Variants in FGFR3 observed in about 807,000 individuals in gnomAD.
FGFR3 encodes FGFR-3.
FGFR3 carries 25 observed loss-of-function variants against 82.9 expected under a neutral mutation model. That is an observed-to-expected ratio of 0.30 (90% CI 0.22 to 0.42). The LOEUF (loss-of-function observed/expected upper bound fraction) is 0.42. Among genes scored for constraint, FGFR3 ranks in the 10% least tolerant of loss-of-function variants. FGFR3 has a pLI of 1.00. For synonymous variants in FGFR3, 620 were observed against 516.0 expected (o/e 1.20, Z -2.73); for missense variants, 1,026 against 1,161.0 (o/e 0.88, Z 1.69).
intron 2 of FGFR3, among the ~76,000 whole-genome samples, chr4:1,795,363 C>T (rs1720367483): frequency 1.3e-5 from 2 of 151,862 alleles, no homozygotes; most frequent in African/African-American, 4.8e-5. Flanking sequence ...GCTGCGGAGC[C>T]TCTCCTGGAC....
In FGFR3 at chr4:1,801,692, G is replaced by A. The variant is rs1577275171; in HGVS notation, c.688G>A (p.Val230Met). The A allele has an allele frequency of 6.2e-7, 1 of 1,611,016 alleles. No homozygotes were observed. The highest frequency in any genetic ancestry group is 8.5e-7 in the Non-Finnish European group (1 of 1,179,262). The change falls in exon 6 of 18, where the codon GTG becomes ATG. Residue 230 changes from valine to methionine, a missense_variant. Around this residue, in one of 9 missense-constraint regions of FGFR3, gnomAD observed 147 missense variants for 228.1 expected, o/e 0.64. Transcript: ENST00000440486. ...PSDRGNYTCV[V>M]ENKFGSIRQT... ...GGACCGCGGCAACTACACCTGCGTC[G>A]TGGAGAACAAGTTTGGCAGCATCCG...
chr4:1,794,066 C>T, intron 2 of FGFR3, 23 bp downstream of exon 2: 2 of 1,303,102 alleles, frequency 1.5e-6, no homozygotes, highest in Non-Finnish European at 2.0e-6. Flanking sequence ...CCACTAGGCA[C>T]GGGAGAGGCC....
At position 1,798,512 on chromosome 4, in the gene FGFR3, C is replaced by T. The variant is rs533593716; in HGVS notation, c.110-742C>T. Among the ~76,000 whole-genome samples the T allele has an allele frequency of 4.0e-4, 60 of 151,554 alleles. No individual in the cohort carries two copies. The South Asian group carries it at 0.012, about 31-fold the overall frequency. ...TCCATAGGAGCTGCAGGATACAGAA[C>T]CTTGCCCACCCCAAGGAGCCCCCAC... On this transcript the variant is annotated intron_variant, in intron 2 of 17. Transcript: ENST00000440486.
chr4:1,794,649 C>T (rs1411868647), intron 2 of FGFR3, among the ~76,000 whole-genome samples: 2 of 152,172 alleles, frequency 1.3e-5, no homozygotes, highest in Non-Finnish European at 2.9e-5. Flanking sequence ...GTCGCGGGCC[C>T]TAGACTGGGC....
chr4:1,801,948 A>C lies in FGFR3; in HGVS notation c.853A>C (p.Ile285Leu), dbSNP rs765988008. The change falls in exon 7 of 18, where the codon ATC becomes CTC. Residue 285 changes from isoleucine (I) to leucine (L), a missense_variant. Physicochemically the swap from Ile to Leu is conservative, Grantham distance 5 (BLOSUM62 2). Transcript: ENST00000440486. Reference protein sequence around the residue: ...CKVYSDAQPHIQWLKHVEVNG... With the variant: ...CKVYSDAQPHLQWLKHVEVNG... The stretch of plus-strand genomic sequence containing the variant: ...GGTGTACAGTGACGCACAGCCCCAC[A>C]TCCAGTGGCTCAAGCACGTGGAGGT... 1 of 1,612,808 alleles carries C rather than the reference A, an allele frequency of 6.2e-7. No individual in the cohort carries two copies. The highest frequency in any genetic ancestry group is 2.2e-5 in the East Asian group (1 of 44,868).
intron 2 of FGFR3, among the ~76,000 whole-genome samples, chr4:1,794,525 G>A (rs1167224686): frequency 3.9e-5 from 6 of 152,188 alleles, no homozygotes; most frequent in Admixed American, 2.6e-4. Context: ...CCCGCCCGAA[G>A]AGGCAGCAGC....
intron 10 of FGFR3, 147 bp from the exon 11 acceptor site, chr4:1,805,208 T>TA (rs1012431752): frequency 8.2e-6 from 12 of 1,463,568 alleles, no homozygotes; most frequent in Middle Eastern, 2.5e-4. Flanking sequence ...TCTTCGTCCT[T>TA]ACGAGCAGGC....
At position 1,801,830 on chromosome 4, in the gene FGFR3, C is replaced by G; in HGVS notation, c.740-5C>G. On this transcript the variant is annotated splice_region_variant and splice_polypyrimidine_tract_variant and intron_variant, in intron 6 of 17. Coordinates refer to ENST00000440486, the MANE Select transcript of FGFR3 (RefSeq NM_000142.5). Reference sequence around the variant, plus strand: ...GTGGCCCCTGAGCGTCATCTGCCCCCACAGAGCGCTCCCCGCACCGGCCCA... The same window carrying G: ...GTGGCCCCTGAGCGTCATCTGCCCCGACAGAGCGCTCCCCGCACCGGCCCA... The G allele has an allele frequency of 6.2e-7, 1 of 1,605,032 alleles. No homozygotes were observed. Among genetic ancestry groups the G allele is most frequent in the East Asian group, 2.2e-5 (1 of 44,650 alleles).
chr4:1,804,748 C>T (rs1168902740), intron 9 of FGFR3, 76 bp from the exon 10 acceptor site: 2 of 1,536,404 alleles, frequency 1.3e-6, no homozygotes, highest in Non-Finnish European at 1.8e-6. Flanking sequence ...CCCTTCTGGC[C>T]CAGCACTGAC....
chr4:1,801,595 C>T (rs1202214611), intron 5 of FGFR3, 25 bp from the exon 6 acceptor site: 21 of 1,596,836 alleles, frequency 1.3e-5, no homozygotes, highest in Non-Finnish European at 1.8e-5. Context: ...CCTCCGCTCA[C>T]TCACCCGCCC....
chr4:1,796,540 TA>T (rs1720538089), intron 2 of FGFR3, among the ~76,000 whole-genome samples: 1 of 152,014 alleles, frequency 6.6e-6, no homozygotes. Flanking sequence ...AAAACCCAAA[TA>T]AACCCCTGGG....
intron 2 of FGFR3, among the ~76,000 whole-genome samples, chr4:1,795,376 C>T (rs538286822): frequency 7.9e-5 from 12 of 151,814 alleles, no homozygotes; most frequent in African/African-American, 1.7e-4. Flanking sequence ...TCCTGGACCC[C>T]CTGCGGGCGC....
rs1399793508 is a variant in FGFR3, at chr4:1,801,730, G to A, written c.726G>A (p.Thr242=). ...NKFGSIRQTY[T]LDVLERSPHR... ...TTGGCAGCATCCGGCAGACGTACAC[G>A]CTGGACGTGCTGGGTGAGGGCCCTG... is the stretch of plus-strand genomic sequence containing the variant. The change falls in exon 6 of 18, where the codon ACG becomes ACA. Residue 242 remains threonine, a synonymous_variant. Transcript: ENST00000440486. 9 of 1,605,542 alleles carry A rather than the reference G, an allele frequency of 5.6e-6. No individual in the cohort carries two copies. The highest frequency in any genetic ancestry group is 2.7e-5 in the African/African-American group (2 of 74,848).
At chr4:1,795,376 C>G (rs538286822) in intron 2 of FGFR3, among the ~76,000 whole-genome samples, 25 of 151,924 alleles carry the variant, frequency 1.6e-4, no homozygotes, top group African/African-American at 4.6e-4. Flanking sequence ...TCCTGGACCC[C>G]CTGCGGGCGC....
At chr4:1,794,369 CTGT>C (rs1720213474) in intron 2 of FGFR3, among the ~76,000 whole-genome samples, 2 of 152,288 alleles carry the variant, frequency 1.3e-5, no homozygotes, top group South Asian at 2.1e-4. Context: ...ACGATTCCCG[CTGT>C]TGTTATTCGG....
At chr4:1,802,174 T>C in intron 7 of FGFR3, 149 bp downstream of exon 7, 1 of 852,402 alleles carries the variant, frequency 1.2e-6, no homozygotes, top group Non-Finnish European at 1.9e-6. Context: ...GGGCCAAGTC[T>C]CAGCCACCCC....
In FGFR3 at chr4:1,805,887, G is replaced by T; in HGVS notation, c.1783G>T (p.Val595Leu). 1 of 1,612,820 alleles carries T rather than the reference G, an allele frequency of 6.2e-7. No individual in the cohort carries two copies. The highest frequency in any genetic ancestry group is 8.5e-7 in the Non-Finnish European group (1 of 1,179,818). Residue 595 changes from valine to leucine, a missense_variant, in exon 13 of 18, where the codon GTG (valine) becomes TTG (leucine). By Grantham distance (32) the Val-to-Leu change is conservative. Transcript: ENST00000440486. ...PEEQLTFKDL[V>L]SCAYQVARGM... ...GGAGCAGCTCACCTTCAAGGACCTG[G>T]TGTCCTGTGCCTACCAGGTGGCCCG...
intron 2 of FGFR3, among the ~76,000 whole-genome samples, chr4:1,795,191 G>C (rs975412444): frequency 1.3e-5 from 2 of 152,150 alleles, no homozygotes; most frequent in African/African-American, 4.8e-5. Flanking sequence ...GCCGTCGGGA[G>C]GTCAGCGCGC....
At chr4:1,803,234 G>A (rs1041943590) in intron 7 of FGFR3, 29 of 806,936 alleles carry the variant, frequency 3.6e-5, no homozygotes, top group African/African-American at 3.2e-4. Flanking sequence ...GTGACCGCCC[G>A]CTTCGAGCCC....
Sources: allele counts gnomAD v4.1 joint callset (sites outside exome capture counted in the v4.1 genomes callset), GRCh38; gene constraint gnomAD v4.1.1; regional missense constraint gnomAD v4.1.1; transcripts MANE v1.5; gene names NCBI Gene and HGNC (gene_info 2026-07-23, HGNC 2026-07-21).